The following KRIT1 variants were observed in gnomAD, a reference collection of about 807,000 sequenced individuals.
KRIT1 encodes the protein krev interaction trapped protein 1.
A neutral mutation model predicts 95.8 loss-of-function variants in KRIT1; 45 were observed. The ratio of observed to expected loss-of-function variants is 0.47; its 90% CI spans 0.37 to 0.60. KRIT1 has a LOEUF of 0.60. Ranked by LOEUF, KRIT1 falls within the 20% of genes least tolerant of loss-of-function variation. The pLI is 0.00. For missense variants in KRIT1, 788 were observed against 877.5 expected (o/e 0.90, Z 1.29); for synonymous variants, 282 against 278.8 (o/e 1.01, Z -0.11).
rs1563263366 is a variant in KRIT1, at chr7:92,221,952, G to A, written c.1513C>T (p.Gln505Ter). ...CTCACATCTCTTCTTAGAAAAAGCTGAGGTGTTTCCCTTTGAGGATCCAGA... is the reference window on the plus strand; with the variant it reads ...CTCACATCTCTTCTTAGAAAAAGCTAAGGTGTTTCCCTTTGAGGATCCAGA... ...TNLDPQRETP[Q>*]LFLRRDVRLP... is the part of the protein sequence containing the mutation. The change falls in exon 14 of 19, where the codon CAG becomes TAG. Residue 505 changes from glutamine to a stop codon, truncating the protein, a stop_gained. Coordinates refer to ENST00000394505, the MANE Select transcript of KRIT1 (RefSeq NM_194454.3). LOFTEE classifies it high-confidence loss of function. The A allele has an allele frequency of 6.2e-7, 1 of 1,613,830 alleles. No homozygotes were observed. The highest frequency in any genetic ancestry group is 1.1e-5 in the South Asian group (1 of 91,076).
intron 5 of KRIT1, 63 bp downstream of exon 5, chr7:92,240,930 T>C: frequency 7.6e-7 from 1 of 1,312,750 alleles, no homozygotes; most frequent in Non-Finnish European, 1.1e-6. Flanking sequence ...GTGTATATTT[T>C]TAAAAGAATC....
intron 18 of KRIT1, 116 bp from the exon 19 acceptor site, chr7:92,200,920 A>G: frequency 1.3e-6 from 1 of 750,740 alleles, no homozygotes; most frequent in Non-Finnish European, 2.3e-6. Context: ...ATCAGGAGAC[A>G]GCTTGTTAAG....
chr7:92,226,815 G>A (rs1796299924), intron 10 of KRIT1, 133 bp from the exon 11 acceptor site: 2 of 762,492 alleles, frequency 2.6e-6, no homozygotes, highest in African/African-American at 1.8e-5. Flanking sequence ...AGGACAGAGA[G>A]CAAAGGATTA....
intron 14 of KRIT1, among the ~76,000 whole-genome samples, chr7:92,217,027 T>A (rs1276880083): frequency 6.6e-6 from 1 of 152,212 alleles, no homozygotes; most frequent in East Asian, 1.9e-4. Flanking sequence ...AGAACACAAC[T>A]GCCTTACCAG....
At chr7:92,209,762 T>C (rs138467042) in intron 17 of KRIT1, among the ~76,000 whole-genome samples, 1,990 of 152,216 alleles carry the variant, frequency 0.013, 32 homozygotes, top group Middle Eastern at 0.054. Flanking sequence ...AGAGTTAATA[T>C]TGTTAAAATA....
intron 10 of KRIT1, among the ~76,000 whole-genome samples, chr7:92,232,404 A>T (rs1797490547): frequency 6.6e-6 from 1 of 152,128 alleles, no homozygotes; most frequent in South Asian, 2.1e-4. Context: ...ATATTTTAGG[A>T]ACTAAAAATG....
At chr7:92,220,022 T>G (rs1283577493) in intron 14 of KRIT1, among the ~76,000 whole-genome samples, 1 of 152,232 alleles carries the variant, frequency 6.6e-6, no homozygotes, top group Non-Finnish European at 1.5e-5. Context: ...TGTGGATTCT[T>G]TGGGAGTTCC....
intron 8 of KRIT1, among the ~76,000 whole-genome samples, chr7:92,235,166 A>G (rs1287645546): frequency 6.6e-6 from 1 of 151,746 alleles, no homozygotes; most frequent in Non-Finnish European, 1.5e-5. Context: ...CATCCAGCTA[A>G]TTTTTGTATT....
chr7:92,236,869 T>C (rs1798536340), intron 6 of KRIT1, among the ~76,000 whole-genome samples: 2 of 152,172 alleles, frequency 1.3e-5, no homozygotes. Context: ...AAAATATATC[T>C]GGAATGCTAC....
At chr7:92,219,924 T>G (rs572639208) in intron 14 of KRIT1, among the ~76,000 whole-genome samples, 10 of 152,360 alleles carry the variant, frequency 6.6e-5, no homozygotes, top group African/African-American at 2.4e-4. Flanking sequence ...TCTTGTATTA[T>G]TCTTTGCTGG....
At chr7:92,243,189 T>C (rs1800069810) in intron 3 of KRIT1, among the ~76,000 whole-genome samples, 2 of 152,194 alleles carry the variant, frequency 1.3e-5, no homozygotes, top group African/African-American at 4.8e-5. Flanking sequence ...GCATATACTT[T>C]GTCCCACTAA....
chr7:92,236,368 C>T (rs747266971), intron 7 of KRIT1, 45 bp downstream of exon 7: 25 of 1,305,100 alleles, frequency 1.9e-5, no homozygotes, highest in Non-Finnish European at 2.7e-5. Context: ...CTACTATAAA[C>T]ATGTATTTGA....
intron 12 of KRIT1, among the ~76,000 whole-genome samples, chr7:92,223,305 C>T (rs961417082): frequency 1.1e-4 from 16 of 148,484 alleles, no homozygotes; most frequent in Middle Eastern, 3.2e-3. Context: ...ATTAGCTGGG[C>T]GTGGTGGCAG....
In KRIT1 at chr7:92,244,918, A is replaced by C. The variant is rs1309132734; in HGVS notation, c.-167T>G. 1 of 152,230 alleles carries C rather than the reference A, an allele frequency of 6.6e-6. No individual in the cohort carries two copies. Among genetic ancestry groups the C allele is most frequent in the Non-Finnish European group, 1.5e-5 (1 of 68,084 alleles). 9.4% of individuals were successfully genotyped at this position (152,230 alleles called of 1,614,324 possible). On this transcript the variant is annotated 5_prime_UTR_variant, in exon 2 of 19. Coordinates refer to ENST00000394505, the MANE Select transcript of KRIT1 (RefSeq NM_194454.3). The stretch of plus-strand genomic sequence containing the variant: ...GGCACCTACCTGGGATCACTGGAAA[A>C]TATGGAGGGCATTTCTGGTTGTCAC...
rs1411247380 is a variant in KRIT1 at position 92,237,830 on chromosome 7, T to C, written c.263-71A>G. The C allele has an allele frequency of 1.2e-5, 10 of 804,054 alleles. No homozygotes were observed. In the Admixed American group the frequency reaches 1.6e-4, roughly 12 times the overall value. The allele number at this position is 804,054 out of a possible 1,614,324, so 49.8% of individuals were successfully genotyped here. ...AAATCTTATAAATTACCTTGAGAAT[T>C]AGAAAACAGATACTTTAAAAGGCAG... On this transcript the variant is annotated intron_variant, in intron 5 of 18. Coordinates refer to ENST00000394505, the MANE Select transcript of KRIT1 (RefSeq NM_194454.3).
Position 92,236,728 on chromosome 7 carries a change from C to T in KRIT1, c.356-186G>A, listed in dbSNP as rs557717340. ...GTGACCTTGTCCACTCAGGTAAATG[C>T]AACATTTAGAATTTTGGAGGACTGC... is the stretch of plus-strand genomic sequence containing the variant. On this transcript the variant is annotated intron_variant, in intron 6 of 18. Coordinates refer to ENST00000394505, the MANE Select transcript of KRIT1 (RefSeq NM_194454.3). Among the ~76,000 whole-genome samples the T allele has an allele frequency of 3.3e-5, 5 of 152,214 alleles. No homozygotes were observed. The South Asian group carries it at 1.0e-3, about 32-fold the overall frequency.
chr7:92,219,093 C>T (rs752946745), intron 14 of KRIT1, among the ~76,000 whole-genome samples: 5 of 152,134 alleles, frequency 3.3e-5, no homozygotes, highest in Admixed American at 6.6e-5. Context: ...CTCCACCTCC[C>T]GGGTTCATGC....
intron 10 of KRIT1, among the ~76,000 whole-genome samples, 194 bp downstream of exon 10, chr7:92,234,255 G>A (rs571715178): frequency 1.3e-5 from 2 of 152,090 alleles, no homozygotes; most frequent in Admixed American, 6.5e-5. Flanking sequence ...CTAACAGTAC[G>A]TTCCCCATAG....
chr7:92,223,442 CAA>C (rs976391928), intron 12 of KRIT1, among the ~76,000 whole-genome samples: 18 of 58,030 alleles, frequency 3.1e-4, no homozygotes, highest in Admixed American at 6.1e-4. Context: ...GACTCCATCT[CAA>C]AAAAAAAAAA....
Sources: gnomAD v4.1 joint callset for allele counts (sites outside exome capture counted in the v4.1 genomes callset) on GRCh38, gnomAD v4.1.1 for gene constraint, MANE v1.5 for transcripts, NCBI Gene and HGNC (gene_info 2026-07-23, HGNC 2026-07-21) for gene names.